The following RFWD3 variants were observed in gnomAD, a reference collection of about 807,000 sequenced individuals.
RFWD3 encodes ring finger and WD repeat domain 3, also known as E3 ubiquitin-protein ligase RFWD3.
A neutral mutation model predicts 87.7 loss-of-function variants in RFWD3; 65 were observed. The observed-to-expected ratio is 0.74, with a 90% confidence interval of 0.61 to 0.91. The LOEUF (loss-of-function observed/expected upper bound fraction) is 0.91. Among genes scored for constraint, RFWD3 ranks in the 40% least tolerant of loss-of-function variants. The pLI, the probability that RFWD3 is intolerant of heterozygous loss-of-function variation, is 0.00. For missense variants in RFWD3, 1,078 were observed against 938.5 expected, an observed-to-expected ratio of 1.15 and a Z score of -1.94; for synonymous variants, 433 against 352.8, an observed-to-expected ratio of 1.23 and a Z score of -2.55.
intron 6 of RFWD3, among the ~76,000 whole-genome samples, chr16:74,643,041 T>C (rs1959794898): frequency 6.6e-6 from 1 of 152,224 alleles, no homozygotes; most frequent in Admixed American, 6.5e-5. Flanking sequence ...CATCTTCCAT[T>C]ATTTAAAAAC....
chr16:74,659,356 C>T (rs991475183), intron 2 of RFWD3, among the ~76,000 whole-genome samples: 2 of 152,172 alleles, frequency 1.3e-5, no homozygotes, highest in African/African-American at 2.4e-5. Context: ...CCCCAAATTA[C>T]ACCATAAGGT....
At chr16:74,650,357 T>G (rs1389908572) in intron 3 of RFWD3, among the ~76,000 whole-genome samples, 1 of 152,066 alleles carries the variant, frequency 6.6e-6, no homozygotes, top group Non-Finnish European at 1.5e-5. Context: ...TCAGGGCTTT[T>G]TTTTTTTTTT....
intron 4 of RFWD3, among the ~76,000 whole-genome samples, chr16:74,645,753 T>C (rs1012516943): frequency 1.4e-4 from 20 of 141,018 alleles, no homozygotes; most frequent in East Asian, 8.2e-4. Context: ...TTCTTTTTTT[T>C]TTTTTTTTTT....
rs201587155 is a variant in RFWD3, at chr16:74,661,391, T to C, written c.59A>G (p.Gln20Arg). 5.0e-6 allele frequency: 8 copies of C among 1,613,956 alleles called. No individual in the cohort carries two copies. Among genetic ancestry groups the C allele is most frequent in the African/African-American group, 1.3e-5 (1 of 74,948 alleles). Residue 20 changes from glutamine (Q) to arginine (R), a missense_variant, in exon 2 of 13, where the codon CAG becomes CGG. Transcript: ENST00000361070. ...GCTGGCCATGCCAGCAGGAGCTGGC[T>C]GTTGTTCGGCATGATTTAACTGCAC... is the stretch of plus-strand genomic sequence containing the variant. ...VQVQLNHAEQ[Q>R]PAPAGMASSQ...
intron 6 of RFWD3, among the ~76,000 whole-genome samples, chr16:74,641,411 C>G (rs906748399): frequency 6.6e-6 from 1 of 152,010 alleles, no homozygotes; most frequent in Non-Finnish European, 1.5e-5. Context: ...GATCCGCCCA[C>G]CTCAGCCCCT....
At chr16:74,660,814 G>C in intron 2 of RFWD3, 118 bp downstream of exon 2, 1 of 1,088,632 alleles carries the variant, frequency 9.2e-7, no homozygotes, top group Non-Finnish European at 1.3e-6. Flanking sequence ...TGAGGAACTG[G>C]GGGTCAGAAG....
chr16:74,655,738 T>C (rs893157026), intron 2 of RFWD3, among the ~76,000 whole-genome samples: 4 of 151,370 alleles, frequency 2.6e-5, no homozygotes, highest in African/African-American at 4.9e-5. Context: ...TTAGCCAGGA[T>C]GGTCTCACCC....
intron 1 of RFWD3, among the ~76,000 whole-genome samples, chr16:74,663,559 G>A (rs527574332): frequency 8.5e-5 from 13 of 152,286 alleles, no homozygotes; most frequent in African/African-American, 3.1e-4. Flanking sequence ...AATAAACATA[G>A]TGGACGAAGT....
intron 1 of RFWD3, chr16:74,666,504 C>A (rs1729157075): frequency 6.6e-6 from 1 of 152,216 alleles, no homozygotes; most frequent in Admixed American, 6.5e-5. Context: ...CCAGGGCAGG[C>A]CCCGCAGCAG....
rs1161069462 is a variant in RFWD3, at chr16:74,644,533, G to A, written c.987+8C>T. ...ACATGTTAATGTGTCCTTACCTATGGTCCTTACCTGGGGACATTTTCGTAC... is the reference window on the plus strand; with the variant it reads ...ACATGTTAATGTGTCCTTACCTATGATCCTTACCTGGGGACATTTTCGTAC... On this transcript the variant is annotated splice_region_variant and intron_variant, in intron 5 of 12. Transcript: ENST00000361070. The A allele has an allele frequency of 1.9e-6, 3 of 1,614,128 alleles. No individual in the cohort carries two copies. Among genetic ancestry groups the A allele is most frequent in the Admixed American group, 1.7e-5 (1 of 60,004 alleles).
At chr16:74,639,868 A>G (rs555303666) in intron 6 of RFWD3, among the ~76,000 whole-genome samples, 10 of 152,202 alleles carry the variant, frequency 6.6e-5, no homozygotes, top group Non-Finnish European at 1.2e-4. Flanking sequence ...ATGGTTTCTG[A>G]TATCTGTGAT....
rs1057112740 is a variant in RFWD3 at position 74,623,751 on chromosome 16, G to C, written c.*177C>G. The C allele has an allele frequency of 4.9e-6, 3 of 607,512 alleles. No individual in the cohort carries two copies. The African/African-American group carries it at 5.6e-5, about 11-fold the overall frequency. 37.6% of individuals were successfully genotyped at this position (607,512 alleles called of 1,614,324 possible). On this transcript the variant is annotated 3_prime_UTR_variant, in exon 13 of 13. Coordinates refer to ENST00000361070, the MANE Select transcript of RFWD3 (RefSeq NM_018124.4). Reference sequence around the variant, plus strand: ...AATTACTCTTTTAGTGGACATAACAGATACACAATCTGTAGTGTCTCAGTG... The same window carrying C: ...AATTACTCTTTTAGTGGACATAACACATACACAATCTGTAGTGTCTCAGTG...
At chr16:74,637,143 A>AAG (rs1403248526) in intron 7 of RFWD3, among the ~76,000 whole-genome samples, 1 of 150,296 alleles carries the variant, frequency 6.7e-6, no homozygotes, top group Non-Finnish European at 1.5e-5. Flanking sequence ...AAAAAAAAAA[A>AAG]AACAACTTAA....
rs139499768 is a variant in RFWD3, at chr16:74,656,457, T to C, written c.519-4335A>G. ...CTCTAATGGATCTGGACAAAGTAAA[T>C]TGAAAACCTTGAAATGATCCACCAT... On this transcript the variant is annotated intron_variant, in intron 2 of 12. Transcript: ENST00000361070. 4.7e-3 allele frequency among the ~76,000 whole-genome samples: 722 copies of C among 152,086 alleles called. 8 individuals carry two copies. Among genetic ancestry groups the C allele is most frequent in the African/African-American group, 0.017 (692 of 41,482 alleles).
intron 6 of RFWD3, among the ~76,000 whole-genome samples, chr16:74,642,445 ACTT>A (rs541915387): frequency 2.6e-5 from 4 of 151,622 alleles, no homozygotes; most frequent in South Asian, 2.1e-4. Flanking sequence ...TCTATAATTA[ACTT>A]CTTCTTCTTT....
rs1424859683 is a variant in RFWD3 at position 74,649,062 on chromosome 16, A to AG, written c.792+69dup. The stretch of plus-strand genomic sequence containing the variant: ...GCACCACTGCACTCTAGCCTGGGTG[A>AG]GAGTGAGACCTAGTCTCTAAAAATA... On this transcript the variant is annotated intron_variant, in intron 4 of 12. Transcript: ENST00000361070. 3 of 1,013,438 alleles carry AG rather than the reference A, an allele frequency of 3.0e-6. No homozygotes were observed. In the East Asian group the frequency reaches 9.8e-5, roughly 33 times the overall value. 62.8% of individuals were successfully genotyped at this position (1,013,438 alleles called of 1,614,324 possible).
At chr16:74,633,273 G>A (rs1461323381) in intron 8 of RFWD3, among the ~76,000 whole-genome samples, 18 of 104,482 alleles carry the variant, frequency 1.7e-4, no homozygotes, top group African/African-American at 1.3e-4. Context: ...GCAAAACTCC[G>A]TCTCAGAAAA....
Position 74,651,962 on chromosome 16 carries a change from C to A in RFWD3, c.679G>T (p.Val227Phe). The stretch of plus-strand genomic sequence containing the variant: ...CCAGATTCCTCTGCCTGGTCAACAA[C>A]CCCTCCATACTCTGCAGAGCTGTCA... Reference protein sequence around the residue: ...DSDSSAEYGGVVDQAEESGAV... With the variant: ...DSDSSAEYGGFVDQAEESGAV... The change falls in exon 3 of 13, where the codon GTT (valine) becomes TTT (phenylalanine). Residue 227 changes from valine to phenylalanine, a missense_variant. By Grantham distance (50) the Val-to-Phe change is conservative. Transcript: ENST00000361070. 1 of 1,614,012 alleles carries A rather than the reference C, an allele frequency of 6.2e-7. No homozygotes were observed. The highest frequency in any genetic ancestry group is 8.5e-7 in the Non-Finnish European group (1 of 1,179,924).
chr16:74,666,689 G>C (rs1961957210), intron 1 of RFWD3, 97 bp downstream of exon 1: 1 of 152,356 alleles, frequency 6.6e-6, no homozygotes, highest in Admixed American at 6.5e-5. Flanking sequence ...CCACCTCGTG[G>C]GGTGTCTCCT....
Sources: allele counts gnomAD v4.1 joint callset (sites outside exome capture counted in the v4.1 genomes callset), GRCh38; gene constraint gnomAD v4.1.1; transcripts MANE v1.5; gene names NCBI Gene and HGNC (gene_info 2026-07-23, HGNC 2026-07-21).